The following ZSCAN12 variants were observed in gnomAD, a reference collection of about 807,000 sequenced individuals.
The protein encoded by ZSCAN12 is zinc finger and SCAN domain-containing protein 12.
Under a neutral mutation model 23.4 loss-of-function variants are expected in ZSCAN12, and 18 were observed. The ratio of observed to expected loss-of-function variants is 0.77; its 90% CI spans 0.53 to 1.14. The LOEUF (loss-of-function observed/expected upper bound fraction) is 1.14, where lower values mean the gene tolerates loss of function less well. ZSCAN12 is among the 50% of genes most tolerant of loss of function. The pLI is 0.00. For missense variants in ZSCAN12, 650 were observed against 735.0 expected (o/e 0.88, Z 1.34); for synonymous variants, 186 against 253.4 (o/e 0.73, Z 2.53).
chr6:28,380,325 G>A (rs1760168768), downstream of ZSCAN12: 1 of 152,116 alleles, frequency 6.6e-6, no homozygotes, highest in Admixed American at 6.5e-5. Flanking sequence ...ACACTGGCAG[G>A]GTTTCCCTTT....
At position 28,386,578 on chromosome 6, in the gene ZSCAN12, A is replaced by G. The variant is rs1356100181; in HGVS notation, c.*3876T>C. Among the ~76,000 whole-genome samples, 1 of 152,220 alleles carries G rather than the reference A, an allele frequency of 6.6e-6. No individual in the cohort carries two copies. Among genetic ancestry groups the G allele is most frequent in the African/African-American group, 2.4e-5 (1 of 41,456 alleles). ...CTCTCTTCACTGCATTCCCTAATGT[A>G]GCACTCCTATTCCATATCTAACATG... is the stretch of plus-strand genomic sequence containing the variant. On this transcript the variant is annotated 3_prime_UTR_variant, in exon 4 of 4. Transcript: ENST00000684592.
downstream of ZSCAN12, chr6:28,381,636 T>C (rs1760248519): frequency 6.7e-6 from 1 of 149,946 alleles, no homozygotes; most frequent in South Asian, 2.1e-4. Flanking sequence ...TACTAAAAGT[T>C]CTAAAAGCTT....
Position 28,386,236 on chromosome 6 carries a change from C to T in ZSCAN12, c.*4218G>A, listed in dbSNP as rs187077794. 3.9e-5 allele frequency among the ~76,000 whole-genome samples: 6 copies of T among 152,262 alleles called. No homozygotes were observed. The highest frequency in any genetic ancestry group is 7.2e-5 in the African/African-American group (3 of 41,554). On this transcript the variant is annotated 3_prime_UTR_variant, in exon 4 of 4. Transcript: ENST00000684592. ...CCTTAAACACTTAATGTCTTGTTTA[C>T]CTTGAATCAATTAGAAAAGACAAGC...
Position 28,390,717 on chromosome 6 carries a change from A to AGG in ZSCAN12, c.1571_1572dup (p.Tyr525ProfsTer102). On this transcript the variant is annotated frameshift_variant, in exon 4 of 4. Transcript: ENST00000684592. LOFTEE classifies it low-confidence loss of function (END_TRUNC). Reference sequence around the variant, plus strand: ...GCATTCCCACACTCATCACACTTGTAGGGCCTCTCTCCAGTGTGGATTCTC... The same window carrying AGG: ...GCATTCCCACACTCATCACACTTGTAGGGGGCCTCTCTCCAGTGTGGATTCTC... The AGG allele has an allele frequency of 6.2e-7, 1 of 1,612,414 alleles. No individual in the cohort carries two copies. The highest frequency in any genetic ancestry group is 8.5e-7 in the Non-Finnish European group (1 of 1,179,172).
At chr6:28,397,411 T>A (rs1761167730) in intron 2 of ZSCAN12, among the ~76,000 whole-genome samples, 1 of 152,204 alleles carries the variant, frequency 6.6e-6, no homozygotes, top group Admixed American at 6.5e-5. Flanking sequence ...TCCTACAGAA[T>A]AAAATCTCAA....
At position 28,390,802 on chromosome 6, in the gene ZSCAN12, G is replaced by C. The variant is rs750983175; in HGVS notation, c.1488C>G (p.Pro496=). 1.2e-6 allele frequency: 2 copies of C among 1,600,686 alleles called. No individual in the cohort carries two copies. Among genetic ancestry groups the C allele is most frequent in the Non-Finnish European group, 8.5e-7 (1 of 1,173,086 alleles). ...EHQRIHTGER[P]YKCDKCGKAF... is the part of the protein sequence containing the mutation. ...CCTTCCCACACTTATCACATTTATAGGGTCTTTCTCCAGTGTGAATTCGCT... is the reference window on the plus strand; with the variant it reads ...CCTTCCCACACTTATCACATTTATACGGTCTTTCTCCAGTGTGAATTCGCT... The change falls in exon 4 of 4, where the codon CCC becomes CCG. Residue 496 remains proline (P), a synonymous_variant. Transcript: ENST00000684592.
At position 28,388,050 on chromosome 6, in the gene ZSCAN12, A is replaced by G. The variant is rs1426504950; in HGVS notation, c.*2404T>C. ...AACCTTGGTTTGGTTACAAGTTTGC[A>G]TTCTCATTATGTGAGAAATGGGAGG... is the stretch of plus-strand genomic sequence containing the variant. On this transcript the variant is annotated 3_prime_UTR_variant, in exon 4 of 4. Coordinates refer to ENST00000684592, the MANE Select transcript of ZSCAN12 (RefSeq NM_001163391.2). Among the ~76,000 whole-genome samples, 2 of 152,184 alleles carry G rather than the reference A, an allele frequency of 1.3e-5. No individual in the cohort carries two copies. Among genetic ancestry groups the G allele is most frequent in the Non-Finnish European group, 1.5e-5 (1 of 68,030 alleles).
rs562168684 is a variant in ZSCAN12 at position 28,391,945 on chromosome 6, C to T, written c.548-203G>A. ...ACACACGAAAAATTAGTAACAGTTA[C>T]AACCTATTTCAGAGTAGGAGGAAGA... On this transcript the variant is annotated intron_variant, in intron 3 of 3. Transcript: ENST00000684592. The surrounding 1 kb of genome is among the most constrained non-coding windows in gnomAD (Gnocchi z 4.1). Among the ~76,000 whole-genome samples, 1 of 152,230 alleles carries T rather than the reference C, an allele frequency of 6.6e-6. No individual in the cohort carries two copies. Among genetic ancestry groups the T allele is most frequent in the Admixed American group, 6.5e-5 (1 of 15,302 alleles).
chr6:28,391,627 A>G lies in ZSCAN12; in HGVS notation c.663T>C (p.Ala221=), dbSNP rs926154409. 6.4e-7 allele frequency: 1 copy of G among 1,552,260 alleles called. No individual in the cohort carries two copies. The highest frequency in any genetic ancestry group is 2.4e-5 in the East Asian group (1 of 40,930). Residue 221 remains alanine (A), a synonymous_variant, in exon 4 of 4, where the codon GCT becomes GCC. Transcript: ENST00000684592. This position sits in a 1 kb window ranked among gnomAD's most constrained non-coding sequence, Gnocchi z 4.1. Reference sequence around the variant, plus strand: ...CAGGTTCACGAGTTTCTCCACACCTAGCAGACTTGGACATATCATTTTCAA... The same window carrying G: ...CAGGTTCACGAGTTTCTCCACACCTGGCAGACTTGGACATATCATTTTCAA... ...SKFENDMSKS[A]RCGETREPEE...
At position 28,390,299 on chromosome 6, in the gene ZSCAN12, C is replaced by CA. The variant is rs1314826617; in HGVS notation, c.*154dup. Among the ~76,000 whole-genome samples the CA allele has an allele frequency of 3.3e-5, 5 of 152,188 alleles. No homozygotes were observed. The highest frequency in any genetic ancestry group is 7.3e-5 in the Non-Finnish European group (5 of 68,036). On this transcript the variant is annotated 3_prime_UTR_variant, in exon 4 of 4. Coordinates refer to ENST00000684592, the MANE Select transcript of ZSCAN12 (RefSeq NM_001163391.2). ...TTTGGGGTTATCTTCTTGTTCTCCA[C>CA]AGCACGTAGTACAATGGGCAGCACA...
Position 28,390,665 on chromosome 6 carries a change from T to C in ZSCAN12, c.1625A>G (p.Gln542Arg), listed in dbSNP as rs1053128400. The change falls in exon 4 of 4, where the codon CAG (glutamine) becomes CGG (arginine). Residue 542 changes from glutamine to arginine, a missense_variant. Coordinates refer to ENST00000684592, the MANE Select transcript of ZSCAN12 (RefSeq NM_001163391.2). ...NAFRGITSLI[Q>R]HQRIHTGEKP... The stretch of plus-strand genomic sequence containing the variant: ...CTCCCCAGTGTGGATTCTCTGATGC[T>C]GAATGAGGCTGGTGATTCCTCGGAA... The C allele has an allele frequency of 1.2e-6, 2 of 1,613,596 alleles. No individual in the cohort carries two copies. The highest frequency in any genetic ancestry group is 1.1e-5 in the South Asian group (1 of 90,956).
Position 28,388,229 on chromosome 6 carries a change from A to G in ZSCAN12, c.*2225T>C, listed in dbSNP as rs1581769339. Among the ~76,000 whole-genome samples, 2 of 152,300 alleles carry G rather than the reference A, an allele frequency of 1.3e-5. No homozygotes were observed. Among genetic ancestry groups the G allele is most frequent in the South Asian group, 4.2e-4 (2 of 4,818 alleles). On this transcript the variant is annotated 3_prime_UTR_variant, in exon 4 of 4. Coordinates refer to ENST00000684592, the MANE Select transcript of ZSCAN12 (RefSeq NM_001163391.2). ...TGTGTGCAACTCCAATGCTGGGGTT[A>G]TGAAAAAAGCCTAACTAAGCAGTCC...
chr6:28,393,744 A>AG (rs1314114457), intron 2 of ZSCAN12, among the ~76,000 whole-genome samples: 1 of 151,772 alleles, frequency 6.6e-6, no homozygotes, highest in Non-Finnish European at 1.5e-5. Flanking sequence ...TCCAAAAAAA[A>AG]AAAAAAAAAA....
At chr6:28,396,220 C>A (rs1353555406) in intron 2 of ZSCAN12, among the ~76,000 whole-genome samples, 1 of 151,438 alleles carries the variant, frequency 6.6e-6, no homozygotes, top group African/African-American at 2.4e-5. Flanking sequence ...ACTATGTTGC[C>A]CAGGCTGGTT....
downstream of ZSCAN12, chr6:28,380,381 T>G (rs1052215): frequency 0.46 from 70,041 of 152,194 alleles, 19,826 homozygotes; most frequent in Non-Finnish European, 0.62. Context: ...ACATTCATCA[T>G]GTTTATTGTG....
At chr6:28,383,117 C>T (rs1760358207), downstream of ZSCAN12, among the ~76,000 whole-genome samples, 1 of 142,920 alleles carries the variant, frequency 7.0e-6, no homozygotes, top group Non-Finnish European at 1.5e-5. Flanking sequence ...AGTCACACAA[C>T]AGCTAGGTGG....
In ZSCAN12 at chr6:28,391,314, C is replaced by T; in HGVS notation, c.976G>A (p.Gly326Arg). The change falls in exon 4 of 4, where the codon GGA becomes AGA. Residue 326 changes from glycine to arginine, a missense_variant. By Grantham distance (125) the Gly-to-Arg change is moderately radical (BLOSUM62 -2). Coordinates refer to ENST00000684592, the MANE Select transcript of ZSCAN12 (RefSeq NM_001163391.2). The surrounding 1 kb of genome is among the most constrained non-coding windows in gnomAD (Gnocchi z 4.1). ...TCATTACACTTATACGGTTTCTCTC[C>T]AGTGTGTATTATTTTGTGTCGAATA... ...VLIRHKIIHTGEKPYKCNECG... is the reference protein window; with the variant it reads ...VLIRHKIIHTREKPYKCNECG... 3 of 1,552,112 alleles carry T rather than the reference C, an allele frequency of 1.9e-6. No homozygotes were observed. The highest frequency in any genetic ancestry group is 2.6e-6 in the Non-Finnish European group (3 of 1,147,132).
chr6:28,381,070 CAGCT>C (rs1347441690), downstream of ZSCAN12: 1 of 152,096 alleles, frequency 6.6e-6, no homozygotes, highest in Non-Finnish European at 1.5e-5. Flanking sequence ...TGAGAAGAGA[CAGCT>C]AGGCAGAAAG....
chr6:28,398,089 A>C lies in ZSCAN12; in HGVS notation c.317T>G (p.Val106Gly), dbSNP rs769700947. Reference sequence around the variant, plus strand: ...CCCACTCTCTGGATGCTGCTCCTGCACCCAGGCCTGGAGCTCCTCAGGTAG... The same window carrying C: ...CCCACTCTCTGGATGCTGCTCCTGCCCCCAGGCCTGGAGCTCCTCAGGTAG... ...TILPEELQAW[V>G]QEQHPESGEE... The change falls in exon 2 of 4, where the codon GTG becomes GGG. Residue 106 changes from valine (V) to glycine (G), a missense_variant. Physicochemically the swap from Val to Gly is moderately radical, Grantham distance 109. Transcript: ENST00000684592. The C allele has an allele frequency of 2.3e-5, 37 of 1,613,876 alleles. No individual in the cohort carries two copies. The highest frequency in any genetic ancestry group is 3.1e-5 in the Non-Finnish European group (36 of 1,179,946).
Sources: gnomAD v4.1 joint callset for allele counts (sites outside exome capture counted in the v4.1 genomes callset) on GRCh38, gnomAD v4.1.1 for gene constraint, Gnocchi (gnomAD v3.1) non-coding constraint, MANE v1.5 for transcripts, NCBI Gene and HGNC (gene_info 2026-07-23, HGNC 2026-07-21) for gene names.